MPDZ: variants seen among roughly 807,000 people sequenced by gnomAD.
MPDZ encodes multiple PDZ domain crumbs cell polarity complex component, also known as multiple PDZ domain protein.
A neutral mutation model predicts 239.1 loss-of-function variants in MPDZ; 234 were observed. The ratio of observed to expected loss-of-function variants is 0.98; its 90% CI spans 0.88 to 1.09. The LOEUF (loss-of-function observed/expected upper bound fraction) is 1.09, where lower values mean the gene tolerates loss of function less well. MPDZ is among the 50% of genes least tolerant of loss of function. The pLI, the probability that MPDZ is intolerant of heterozygous loss-of-function variation, is 0.00. For synonymous variants in MPDZ, 1,048 were observed against 881.3 expected, an observed-to-expected ratio of 1.19 and a Z score of -3.35; for missense variants, 3,175 against 2,510.0, an observed-to-expected ratio of 1.26 and a Z score of -5.66.
intron 15 of MPDZ, among the ~76,000 whole-genome samples, chr9:13,190,859 A>G (rs908785419): frequency 3.9e-5 from 6 of 152,182 alleles, no homozygotes; most frequent in African/African-American, 1.4e-4. Flanking sequence ...AATTTGAATT[A>G]CATTGAGCAA....
intron 1 of MPDZ, among the ~76,000 whole-genome samples, chr9:13,258,440 T>C (rs1343754375): frequency 2.6e-5 from 4 of 152,336 alleles, no homozygotes; most frequent in African/African-American, 7.2e-5. Context: ...GCATCTGTTT[T>C]TGCATTTAAA....
At chr9:13,243,135 T>C (rs2137466827) in intron 3 of MPDZ, among the ~76,000 whole-genome samples, 1 of 152,342 alleles carries the variant, frequency 6.6e-6, no homozygotes, top group East Asian at 1.9e-4. Context: ...CATTCCTTCT[T>C]TACTATTCAC....
intron 39 of MPDZ, among the ~76,000 whole-genome samples, chr9:13,118,120 A>C (rs1563832316): frequency 7.2e-5 from 11 of 152,194 alleles, no homozygotes; most frequent in Admixed American, 6.5e-4. Flanking sequence ...TTGGGATTAC[A>C]GGCATGAGCC....
At chr9:13,207,885 C>A (rs1308274375) in intron 10 of MPDZ, among the ~76,000 whole-genome samples, 3 of 152,094 alleles carry the variant, frequency 2.0e-5, no homozygotes, top group Non-Finnish European at 4.4e-5. Context: ...TAAATTTTAA[C>A]AACATGTTGT....
At chr9:13,216,685 T>A in intron 10 of MPDZ, 89 bp downstream of exon 10, 1 of 930,360 alleles carries the variant, frequency 1.1e-6, no homozygotes, top group African/African-American at 1.7e-5. Flanking sequence ...AGTACAGAGT[T>A]AACTCTAGCT....
chr9:13,138,237 C>T, intron 28 of MPDZ, 84 bp from the exon 29 acceptor site: 1 of 1,318,458 alleles, frequency 7.6e-7, no homozygotes, highest in Non-Finnish European at 1.0e-6. Flanking sequence ...TTAGTTTTAC[C>T]TCAAAAGGAC....
chr9:13,117,346 A>G (rs1943622059), intron 39 of MPDZ, among the ~76,000 whole-genome samples: 1 of 152,090 alleles, frequency 6.6e-6, no homozygotes, highest in Non-Finnish European at 1.5e-5. Flanking sequence ...CCTGGGTAAC[A>G]CAGTGAAACC....
intron 1 of MPDZ, 22 bp from the exon 2 acceptor site, chr9:13,250,394 T>C: frequency 2.4e-6 from 3 of 1,266,916 alleles, no homozygotes; most frequent in East Asian, 5.0e-5. Flanking sequence ...AGAAATAGAA[T>C]GGTTATGTTT....
chr9:13,237,381 G>T (rs1964324880), intron 3 of MPDZ, among the ~76,000 whole-genome samples: 1 of 142,876 alleles, frequency 7.0e-6, no homozygotes, highest in Non-Finnish European at 1.5e-5. Flanking sequence ...AGGCTGCAGT[G>T]AGCCATGAGC....
chr9:13,249,838 A>C (rs551127948), intron 2 of MPDZ, among the ~76,000 whole-genome samples: 3 of 152,340 alleles, frequency 2.0e-5, no homozygotes, highest in African/African-American at 7.2e-5. Flanking sequence ...CTAATGTAGA[A>C]ATTAAACTGC....
chr9:13,250,294 T>G lies in MPDZ; in HGVS notation c.16+6A>C. ...ATAAAAGTAGGCAGAAAAGAATAAG[T>G]CTTACCAATGGCTTCCAACATTTTT... On this transcript the variant is annotated splice_donor_region_variant and intron_variant, in intron 2 of 46. Coordinates refer to ENST00000319217, the MANE Select transcript of MPDZ (RefSeq NM_001378778.1). 6.3e-7 allele frequency: 1 copy of G among 1,594,248 alleles called. No individual in the cohort carries two copies. Among genetic ancestry groups the G allele is most frequent in the Non-Finnish European group, 8.6e-7 (1 of 1,169,414 alleles).
At chr9:13,256,640 C>T (rs1195049659) in intron 1 of MPDZ, among the ~76,000 whole-genome samples, 1 of 152,186 alleles carries the variant, frequency 6.6e-6, no homozygotes, top group South Asian at 2.1e-4. Context: ...GCAGTTGGAA[C>T]ATGTGCAACA....
At position 13,150,610 on chromosome 9, in the gene MPDZ, G is replaced by C. The variant is rs757321770; in HGVS notation, c.3531C>G (p.Ser1177Arg). 7 of 1,543,274 alleles carry C rather than the reference G, an allele frequency of 4.5e-6. No homozygotes were observed. In the Admixed American group the frequency reaches 1.1e-4, roughly 24 times the overall value. Residue 1177 changes from serine to arginine, a missense_variant, in exon 25 of 47, where the codon AGC becomes AGG. Transcript: ENST00000319217. The stretch of plus-strand genomic sequence containing the variant: ...AAATGCCCCTCATCACTTCTCCATT[G>C]CTTAGCCGACTCCCCATCCCTCGTC... Reference protein sequence around the residue: ...VGGRGMGSRLSNGEVMRGIFI... With the variant: ...VGGRGMGSRLRNGEVMRGIFI...
chr9:13,207,686 T>C (rs1957153123), intron 10 of MPDZ, among the ~76,000 whole-genome samples: 1 of 152,208 alleles, frequency 6.6e-6, no homozygotes, highest in African/African-American at 2.4e-5. Flanking sequence ...AGAATTTTAA[T>C]TTTACATTTT....
Position 13,123,289 on chromosome 9 carries a change from C to T in MPDZ, c.4817G>A (p.Arg1606Lys). The change falls in exon 36 of 47, where the codon AGA becomes AAA. Residue 1606 changes from arginine (R) to lysine (K), a missense_variant. Coordinates refer to ENST00000319217, the MANE Select transcript of MPDZ (RefSeq NM_001378778.1). ...AGCAAAAATTGCTGGTGTTGATGAT[C>T]TGCTTGTATCTAAAAATAAGTTAAA... ...PEPESIRNTS[R>K]SSTPAIFASD... is the part of the protein sequence containing the mutation. 6.2e-7 allele frequency: 1 copy of T among 1,607,356 alleles called. No individual in the cohort carries two copies. The highest frequency in any genetic ancestry group is 8.5e-7 in the Non-Finnish European group (1 of 1,176,752).
In MPDZ at chr9:13,109,932, A is replaced by C; in HGVS notation, c.5942+20T>G. 1 of 1,574,630 alleles carries C rather than the reference A, an allele frequency of 6.4e-7. No homozygotes were observed. The highest frequency in any genetic ancestry group is 1.1e-5 in the South Asian group (1 of 89,220). On this transcript the variant is annotated intron_variant, in intron 45 of 46. Transcript: ENST00000319217. ...TTCATAAGTGAAAAATGATACACTAATCATCATGTATGAACTCACCCTAAA... is the reference window on the plus strand; with the variant it reads ...TTCATAAGTGAAAAATGATACACTACTCATCATGTATGAACTCACCCTAAA...
chr9:13,234,077 A>T (rs1270584661), intron 3 of MPDZ, among the ~76,000 whole-genome samples: 1 of 152,128 alleles, frequency 6.6e-6, no homozygotes, highest in African/African-American at 2.4e-5. Flanking sequence ...TTGCATACCA[A>T]ATTCTTTTTT....
rs1959183451 is a variant in MPDZ, at chr9:13,222,454, G to A, written c.534-8C>T. On this transcript the variant is annotated splice_region_variant and splice_polypyrimidine_tract_variant and intron_variant, in intron 5 of 46. Transcript: ENST00000319217. ...TCTTTCAATCTTCCATCTCTATCAA[G>A]GATGCAAAAGGGGATAAAAGACAAT... 1 of 1,602,894 alleles carries A rather than the reference G, an allele frequency of 6.2e-7. No homozygotes were observed. Among genetic ancestry groups the A allele is most frequent in the East Asian group, 2.2e-5 (1 of 44,774 alleles).
At chr9:13,154,935 G>T (rs1158656831) in intron 24 of MPDZ, among the ~76,000 whole-genome samples, 1 of 152,116 alleles carries the variant, frequency 6.6e-6, no homozygotes, top group Admixed American at 6.6e-5. Context: ...AATTGGTATA[G>T]CAGCCAGGTG....
Sources: allele counts gnomAD v4.1 joint callset (sites outside exome capture counted in the v4.1 genomes callset), GRCh38; gene constraint gnomAD v4.1.1; transcripts MANE v1.5; gene names NCBI Gene and HGNC (gene_info 2026-07-23, HGNC 2026-07-21).